The following STAM2 variants were observed in gnomAD, a reference collection of about 807,000 sequenced individuals.
STAM2 encodes the protein signal transducing adaptor molecule 2.
Under a neutral mutation model 65.6 loss-of-function variants are expected in STAM2, and 51 were observed. The observed-to-expected ratio is 0.78, with a 90% CI of 0.62 to 0.98. The LOEUF (loss-of-function observed/expected upper bound fraction) is 0.98. Ranked by LOEUF, STAM2 falls within the 50% of genes least tolerant of loss-of-function variation. The pLI is 0.00. For synonymous variants in STAM2, 198 were observed against 208.4 expected (o/e 0.95, Z 0.43); for missense variants, 584 against 617.8 (o/e 0.95, Z 0.58).
chr2:152,142,881 TTA>T (rs1338332675), intron 7 of STAM2, among the ~76,000 whole-genome samples: 1 of 152,206 alleles, frequency 6.6e-6, no homozygotes, highest in Admixed American at 6.6e-5. Context: ...GCAAAATTTT[TTA>T]TCTTATCAAA....
intron 7 of STAM2, among the ~76,000 whole-genome samples, chr2:152,138,988 C>G (rs1025887763): frequency 4.6e-5 from 7 of 152,166 alleles, no homozygotes; most frequent in Non-Finnish European, 1.0e-4. Flanking sequence ...ACTACAAACT[C>G]TTTGATGAAG....
chr2:152,131,793 G>T, intron 11 of STAM2: 1 of 267,862 alleles, frequency 3.7e-6, no homozygotes, highest in South Asian at 6.2e-5. Flanking sequence ...ACGGCATGCA[G>T]AAAATACTAG....
At chr2:152,135,212 C>T (rs1399221290) in intron 8 of STAM2, among the ~76,000 whole-genome samples, 2 of 152,240 alleles carry the variant, frequency 1.3e-5, no homozygotes, top group Non-Finnish European at 1.5e-5. Context: ...CTGCCTCTTA[C>T]ACTACATAGT....
chr2:152,157,677 G>C (rs1689578937), intron 1 of STAM2, among the ~76,000 whole-genome samples: 1 of 152,216 alleles, frequency 6.6e-6, no homozygotes, highest in Non-Finnish European at 1.5e-5. Flanking sequence ...CTATGGTATT[G>C]TTATGGCAGC....
chr2:152,128,000 C>T (rs7598163), intron 11 of STAM2, among the ~76,000 whole-genome samples: 2,321 of 152,242 alleles, frequency 0.015, 61 homozygotes, highest in African/African-American at 0.053. Flanking sequence ...GGACTGAGTC[C>T]TATCAAGATT....
chr2:152,136,087 T>C (rs1320152452), intron 7 of STAM2, among the ~76,000 whole-genome samples: 2 of 110,862 alleles, frequency 1.8e-5, no homozygotes, highest in African/African-American at 3.5e-5. Context: ...AAGACTCGTC[T>C]CAAAAAAAAA....
chr2:152,164,145 C>T (rs546918945), intron 1 of STAM2, among the ~76,000 whole-genome samples: 1 of 152,104 alleles, frequency 6.6e-6, no homozygotes, highest in Non-Finnish European at 1.5e-5. Context: ...GACCTGGTGG[C>T]CCAGCTGTAA....
In STAM2 at chr2:152,126,361, A is replaced by G; in HGVS notation, c.1044T>C (p.Ser348=). 2 of 1,575,396 alleles carry G rather than the reference A, an allele frequency of 1.3e-6. No homozygotes were observed. Among genetic ancestry groups the G allele is most frequent in the Non-Finnish European group, 1.7e-6 (2 of 1,162,342 alleles). ...EEIDRKHSEL[S]ELNVKVLEAL... is the part of the protein sequence containing the mutation. ...CTTCCAGGACTTTAACATTCAATTCAGACAATTCTGAATGCTTCCTGATGT... is the reference window on the plus strand; with the variant it reads ...CTTCCAGGACTTTAACATTCAATTCGGACAATTCTGAATGCTTCCTGATGT... Residue 348 remains serine (S), a synonymous_variant, in exon 12 of 14, where the codon TCT becomes TCC. Coordinates refer to ENST00000263904, the MANE Select transcript of STAM2 (RefSeq NM_005843.6).
rs575009275 is a variant in STAM2 at position 152,159,110 on chromosome 2, T to TATATATATATATATATATATATATAC, written c.41-8882_41-8881insGTATATATATATATATATATATATAT. 2.9e-3 allele frequency among the ~76,000 whole-genome samples: 368 copies of TATATATATATATATATATATATATAC among 128,914 alleles called. 3 individuals are homozygous for TATATATATATATATATATATATATAC. The highest frequency in any genetic ancestry group is 3.4e-3 in the East Asian group (11 of 3,198). 84.6% of individuals were successfully genotyped at this position (128,914 alleles called of 152,430 possible). ...AAAAAAAACCATATATATATATATA[T>TATATATATATATATATATATATATAC]ACACACACAGATATATATAATTTTT... On this transcript the variant is annotated intron_variant, in intron 1 of 13. Coordinates refer to ENST00000263904, the MANE Select transcript of STAM2 (RefSeq NM_005843.6).
chr2:152,166,024 G>A (rs1353301864), intron 1 of STAM2, among the ~76,000 whole-genome samples: 3 of 152,120 alleles, frequency 2.0e-5, no homozygotes, highest in Admixed American at 6.6e-5. Flanking sequence ...CCAACACAGC[G>A]AAACTCTGTC....
rs1233785720 is a variant in STAM2 at position 152,118,662 on chromosome 2, A to T, written c.*1912T>A. 1 of 151,752 alleles carries T rather than the reference A, an allele frequency of 6.6e-6. No homozygotes were observed. The highest frequency in any genetic ancestry group is 1.5e-5 in the Non-Finnish European group (1 of 67,864). The allele number at this position is 151,752 out of a possible 1,614,324, so 9.4% of individuals were successfully genotyped here. A position where few individuals can be genotyped will look rare whatever the true frequency, so the allele number is the denominator to read the frequency against. ...AGAAAAAAAGTAAGAAATTCCATAT[A>T]TATGCAAATGTTGACTATTATCGAG... is the stretch of plus-strand genomic sequence containing the variant. On this transcript the variant is annotated 3_prime_UTR_variant, in exon 14 of 14. Coordinates refer to ENST00000263904, the MANE Select transcript of STAM2 (RefSeq NM_005843.6).
intron 1 of STAM2, among the ~76,000 whole-genome samples, chr2:152,159,700 A>T (rs973525061): frequency 1.3e-5 from 2 of 152,092 alleles, no homozygotes; most frequent in African/African-American, 4.8e-5. Flanking sequence ...TTTTAAAAGA[A>T]CAGGATTGCT....
In STAM2 at chr2:152,133,406, T is replaced by G. The variant is rs947480522; in HGVS notation, c.878A>C (p.Asp293Ala). 1 of 1,611,002 alleles carries G rather than the reference T, an allele frequency of 6.2e-7. No homozygotes were observed. Among genetic ancestry groups the G allele is most frequent in the Non-Finnish European group, 8.5e-7 (1 of 1,178,212 alleles). Residue 293 changes from aspartate to alanine, a missense_variant, in exon 9 of 14, where the codon GAT becomes GCT. Physicochemically the swap from Asp to Ala is moderately radical, Grantham distance 126 (BLOSUM62 -2). Coordinates refer to ENST00000263904, the MANE Select transcript of STAM2 (RefSeq NM_005843.6). ...TAAACAAAAGAGGGACCCTACCTCATCTATATAAACAGGCTCAGGCTCTGA... is the reference window on the plus strand; with the variant it reads ...TAAACAAAAGAGGGACCCTACCTCAGCTATATAAACAGGCTCAGGCTCTGA... ...KKSEPEPVYI[D>A]EDKMDRALQV...
At chr2:152,128,275 C>T (rs1170691004) in intron 11 of STAM2, among the ~76,000 whole-genome samples, 2 of 151,850 alleles carry the variant, frequency 1.3e-5, no homozygotes, top group East Asian at 1.9e-4. Context: ...GGTGTGGTGG[C>T]GGGCACCTGT....
chr2:152,139,075 A>G (rs1689202306), intron 7 of STAM2, among the ~76,000 whole-genome samples: 1 of 152,200 alleles, frequency 6.6e-6, no homozygotes, highest in Admixed American at 6.5e-5. Flanking sequence ...TCCACTGACT[A>G]CAAGTTGATT....
intron 11 of STAM2, among the ~76,000 whole-genome samples, chr2:152,129,843 T>C (rs142557242): frequency 2.7e-4 from 41 of 152,348 alleles, no homozygotes; most frequent in Non-Finnish European, 3.8e-4. Flanking sequence ...CTCTAAAATA[T>C]GGCAAAACTA....
chr2:152,152,509 A>G (rs550207989), intron 1 of STAM2, among the ~76,000 whole-genome samples: 6 of 152,162 alleles, frequency 3.9e-5, no homozygotes, highest in Admixed American at 2.6e-4. Context: ...AGATTGCGCC[A>G]CTGCACTCTA....
chr2:152,158,454 C>T (rs561052105), intron 1 of STAM2, among the ~76,000 whole-genome samples: 15 of 151,530 alleles, frequency 9.9e-5, no homozygotes, highest in South Asian at 4.2e-4. Flanking sequence ...CCAACCTGGG[C>T]GACAGAGCAA....
At chr2:152,136,576 G>GT (rs1489151768) in intron 7 of STAM2, among the ~76,000 whole-genome samples, 3 of 152,038 alleles carry the variant, frequency 2.0e-5, no homozygotes, top group Non-Finnish European at 4.4e-5. Flanking sequence ...TTGTCAGTCT[G>GT]TTTTTTGTTC....
Sources: gnomAD v4.1 joint callset for allele counts (sites outside exome capture counted in the v4.1 genomes callset) on GRCh38, gnomAD v4.1.1 for gene constraint, MANE v1.5 for transcripts, NCBI Gene and HGNC (gene_info 2026-07-23, HGNC 2026-07-21) for gene names.